The following FBXO3 variants were observed in gnomAD, a reference collection of about 807,000 sequenced individuals.
The protein encoded by FBXO3 is F-box only protein 3.
In FBXO3, 17 loss-of-function variants were observed where a neutral mutation model predicts 64.8. The observed-to-expected ratio is 0.26, with a 90% CI of 0.18 to 0.39. The LOEUF (loss-of-function observed/expected upper bound fraction) is 0.39. Ranked by LOEUF, FBXO3 falls within the 10% of genes least tolerant of loss-of-function variation. FBXO3 has a pLI of 1.00. For missense variants in FBXO3, 420 were observed against 589.9 expected (o/e 0.71, Z 2.98); for synonymous variants, 182 against 201.6 (o/e 0.90, Z 0.82).
Position 33,741,755 on chromosome 11 carries a change from C to A in FBXO3, c.*153G>T, listed in dbSNP as rs1854691142. ...CAAAGCAAACCCAAACAATCCAATT[C>A]CTAATGTAGTGTCACATAGAACCCA... On this transcript the variant is annotated 3_prime_UTR_variant, in exon 11 of 11. Transcript: ENST00000265651. The A allele has an allele frequency of 1.6e-6, 1 of 643,204 alleles. No individual in the cohort carries two copies. Among genetic ancestry groups the A allele is most frequent in the Non-Finnish European group, 2.3e-6 (1 of 434,562 alleles). The allele number at this position is 643,204 out of a possible 1,614,324, so 39.8% of individuals were successfully genotyped here.
At chr11:33,742,105 T>G in intron 10 of FBXO3, 21 bp from the exon 11 acceptor site, 1 of 1,521,032 alleles carries the variant, frequency 6.6e-7, no homozygotes, top group South Asian at 1.2e-5. Context: ...AAAACAATCT[T>G]TTGATAAGAA....
At chr11:33,756,799 T>C (rs1256898778) in intron 4 of FBXO3, among the ~76,000 whole-genome samples, 1 of 152,170 alleles carries the variant, frequency 6.6e-6, no homozygotes, top group Non-Finnish European at 1.5e-5. Context: ...TGGAGTGCAG[T>C]GCTTACTGCA....
intron 1 of FBXO3, chr11:33,772,175 A>G (rs1228214162): frequency 2.6e-5 from 4 of 152,248 alleles, no homozygotes; most frequent in Admixed American, 6.5e-5. Context: ...AATCCAACCC[A>G]ATCCAGTTCA....
chr11:33,768,953 C>T lies in FBXO3; in HGVS notation c.256G>A (p.Val86Ile), dbSNP rs767498562. The change falls in exon 3 of 11, where the codon GTA becomes ATA. Residue 86 changes from valine (V) to isoleucine (I), a missense_variant. By Grantham distance (29) the Val-to-Ile change is conservative. Transcript: ENST00000265651. ...GCATAATGGTCAATGTATCTTCCTACATCAGAGTAAGTATCTATGAAGAGA... is the reference window on the plus strand; with the variant it reads ...GCATAATGGTCAATGTATCTTCCTATATCAGAGTAAGTATCTATGAAGAGA... ...KSLFIDTYSD[V>I]GRYIDHYAAI... 5.0e-6 allele frequency: 8 copies of T among 1,613,788 alleles called. No homozygotes were observed. The Admixed American group carries it at 1.3e-4, about 27-fold the overall frequency.
At chr11:33,757,285 C>A (rs34944910) in intron 4 of FBXO3, among the ~76,000 whole-genome samples, 38,231 of 151,448 alleles carry the variant, frequency 0.25, 6,098 homozygotes, top group Middle Eastern at 0.48. Flanking sequence ...GCATATATGC[C>A]TTCTAAAACT....
chr11:33,752,088 A>G (rs1375306918), intron 6 of FBXO3, among the ~76,000 whole-genome samples: 2 of 152,238 alleles, frequency 1.3e-5, no homozygotes, highest in Non-Finnish European at 2.9e-5. Context: ...CTGGACATCT[A>G]CCAGGGACAT....
At position 33,748,146 on chromosome 11, in the gene FBXO3, T is replaced by C. The variant is rs79659556; in HGVS notation, c.1048+631A>G. ...AATGGCAGAAAAAGAACTGTGGCTT[T>C]AATAAAGCCTCTCTCTTAGCGCTAG... On this transcript the variant is annotated intron_variant, in intron 9 of 10. Transcript: ENST00000265651. Among the ~76,000 whole-genome samples, 64 of 152,258 alleles carry C rather than the reference T, an allele frequency of 4.2e-4. No homozygotes were observed. The East Asian group carries it at 0.012, about 28-fold the overall frequency.
intron 6 of FBXO3, chr11:33,754,248 A>G (rs2272064): frequency 0.65 from 309,485 of 478,462 alleles, 101,483 homozygotes; most frequent in African/African-American, 0.68. Context: ...TATATGGACT[A>G]GCTTTTTTCA....
intron 1 of FBXO3, 38 bp from the exon 2 acceptor site, chr11:33,770,868 G>T: frequency 6.9e-7 from 1 of 1,439,226 alleles, no homozygotes; most frequent in Non-Finnish European, 9.6e-7. Context: ...ATTTAAAAAA[G>T]TAAGAAAACA....
In FBXO3 at chr11:33,758,495, C is replaced by A; in HGVS notation, c.465G>T (p.Val155=). ...AACATTGAATATCTTACCCAGGAACCACTAACTTCTGTCCATTGTGAATTC... is the reference window on the plus strand; with the variant it reads ...AACATTGAATATCTTACCCAGGAACAACTAACTTCTGTCCATTGTGAATTC... The part of the protein sequence containing the change: ...SYRIHNGQKL[V]VPGLLGSMAL... Residue 155 remains valine (V), a synonymous_variant, in exon 4 of 11, where the codon GTG becomes GTT. Transcript: ENST00000265651. 1 of 1,588,358 alleles carries A rather than the reference C, an allele frequency of 6.3e-7. No homozygotes were observed. Among genetic ancestry groups the A allele is most frequent in the Non-Finnish European group, 8.6e-7 (1 of 1,162,346 alleles).
At chr11:33,754,918 T>G (rs2133604003) in intron 5 of FBXO3, among the ~76,000 whole-genome samples, 1 of 150,158 alleles carries the variant, frequency 6.7e-6, no homozygotes, top group African/African-American at 2.5e-5. Context: ...CAGGCTGGAG[T>G]GCAGTGGCTC....
intron 1 of FBXO3, chr11:33,772,053 G>A (rs1564996863): frequency 2.0e-5 from 3 of 152,186 alleles, no homozygotes; most frequent in Admixed American, 6.5e-5. Context: ...GACGCACAGT[G>A]TGGCATTTAT....
At chr11:33,755,422 T>C (rs1402089283) in intron 5 of FBXO3, among the ~76,000 whole-genome samples, 2 of 152,206 alleles carry the variant, frequency 1.3e-5, no homozygotes, top group Non-Finnish European at 2.9e-5. Context: ...TCTATTGCAC[T>C]CAAAGCATGA....
chr11:33,747,299 G>GCT lies in FBXO3; in HGVS notation c.1069_1070insAG (p.Pro357GlnfsTer55). 6.2e-7 allele frequency: 1 copy of GCT among 1,609,752 alleles called. No homozygotes were observed. The highest frequency in any genetic ancestry group is 8.5e-7 in the Non-Finnish European group (1 of 1,178,964). On this transcript the variant is annotated frameshift_variant, in exon 10 of 11. Transcript: ENST00000265651. LOFTEE classifies it high-confidence loss of function. ...GCTTGTGTATTCATATACCCGACCT[G>GCT]GGCTGATGATTGGAAATTCACCTGC...
At chr11:33,753,421 TC>T (rs1855012314) in intron 6 of FBXO3, 1 of 152,164 alleles carries the variant, frequency 6.6e-6, no homozygotes, top group Non-Finnish European at 1.5e-5. Flanking sequence ...TCAGCTGCCT[TC>T]CATTTATAAA....
chr11:33,765,381 C>T (rs1240723053), intron 3 of FBXO3, among the ~76,000 whole-genome samples: 3 of 151,944 alleles, frequency 2.0e-5, no homozygotes, highest in Non-Finnish European at 4.4e-5. Context: ...AGGAAAGAAA[C>T]GAATATTTAT....
At chr11:33,772,431 T>A (rs1855532266) in intron 1 of FBXO3, 1 of 152,102 alleles carries the variant, frequency 6.6e-6, no homozygotes, top group Non-Finnish European at 1.5e-5. Context: ...GTTCCCAAGG[T>A]CCTGCATGAT....
intron 6 of FBXO3, among the ~76,000 whole-genome samples, chr11:33,752,290 TTAA>T (rs887208017): frequency 6.6e-6 from 1 of 152,236 alleles, no homozygotes; most frequent in Non-Finnish European, 1.5e-5. Flanking sequence ...TTTACATGAA[TTAA>T]TAATGTTTAC....
At chr11:33,766,024 T>C (rs1490209224) in intron 3 of FBXO3, among the ~76,000 whole-genome samples, 1 of 152,220 alleles carries the variant, frequency 6.6e-6, no homozygotes, top group Non-Finnish European at 1.5e-5. Context: ...TGATACACAC[T>C]GACTGCATGA....
Sources: gnomAD v4.1 joint callset for allele counts (sites outside exome capture counted in the v4.1 genomes callset) on GRCh38, gnomAD v4.1.1 for gene constraint, MANE v1.5 for transcripts, NCBI Gene and HGNC (gene_info 2026-07-23, HGNC 2026-07-21) for gene names.